SETD3: variants seen among roughly 807,000 people sequenced by gnomAD.
The protein encoded by SETD3 is SET domain containing 3, actin N3(tau)-histidine methyltransferase, also known as actin-histidine N-methyltransferase.
A neutral mutation model predicts 63.0 loss-of-function variants in SETD3; 19 were observed. That is an observed-to-expected ratio of 0.30 (90% CI 0.21 to 0.44). The LOEUF (loss-of-function observed/expected upper bound fraction) is 0.44. Among genes scored for constraint, SETD3 ranks in the 20% least tolerant of loss-of-function variants. SETD3 has a pLI of 1.00. For missense variants in SETD3, 587 were observed against 728.5 expected (o/e 0.81, Z 2.24); for synonymous variants, 286 against 264.1 (o/e 1.08, Z -0.80).
At chr14:99,441,094 G>A (rs546433857) in intron 6 of SETD3, among the ~76,000 whole-genome samples, 1 of 152,202 alleles carries the variant, frequency 6.6e-6, no homozygotes, top group Non-Finnish European at 1.5e-5. Flanking sequence ...TCCCAGTAGG[G>A]GTAAACCTGT....
At chr14:99,485,608 T>C (rs1896465274), upstream of SETD3, among the ~76,000 whole-genome samples, 1 of 152,178 alleles carries the variant, frequency 6.6e-6, no homozygotes, top group Non-Finnish European at 1.5e-5. Flanking sequence ...CATTCTCCTT[T>C]ATGCTGAAAA....
intron 1 of SETD3, among the ~76,000 whole-genome samples, chr14:99,479,983 G>C (rs1353522470): frequency 2.6e-5 from 4 of 152,130 alleles, no homozygotes; most frequent in Non-Finnish European, 5.9e-5. Context: ...TTGCATCGCC[G>C]GGCTGGAGCC....
chr14:99,481,961 T>G (rs1403651667), upstream of SETD3, among the ~76,000 whole-genome samples: 1 of 152,200 alleles, frequency 6.6e-6, no homozygotes, highest in African/African-American at 2.4e-5. Context: ...GCGGCTAAGA[T>G]GAGGAAAAGG....
At chr14:99,427,042 T>TG (rs1339593687) in intron 6 of SETD3, among the ~76,000 whole-genome samples, 2 of 152,076 alleles carry the variant, frequency 1.3e-5, no homozygotes, top group Non-Finnish European at 2.9e-5. Flanking sequence ...CAAGAGAGCG[T>TG]GGGGGGCAGC....
chr14:99,437,708 AGATT>A (rs1365229044), intron 6 of SETD3, among the ~76,000 whole-genome samples: 3 of 152,242 alleles, frequency 2.0e-5, no homozygotes, highest in Non-Finnish European at 2.9e-5. Context: ...ACACACAGAA[AGATT>A]GATTCGTCTC....
At chr14:99,418,073 GA>G (rs1411498787) in intron 6 of SETD3, among the ~76,000 whole-genome samples, 1 of 152,056 alleles carries the variant, frequency 6.6e-6, no homozygotes, top group East Asian at 1.9e-4. Flanking sequence ...ATACAAAAAG[GA>G]AAGTTGCTCA....
At chr14:99,480,522 G>A (rs1256335718) in intron 1 of SETD3, among the ~76,000 whole-genome samples, 1 of 150,674 alleles carries the variant, frequency 6.6e-6, no homozygotes, top group South Asian at 2.1e-4. Flanking sequence ...ACCCCGCCGG[G>A]CCCTCCTCGC....
At chr14:99,474,342 T>A (rs1049595474) in intron 1 of SETD3, among the ~76,000 whole-genome samples, 3 of 151,326 alleles carry the variant, frequency 2.0e-5, no homozygotes, top group Non-Finnish European at 2.9e-5. Flanking sequence ...AATAAATAAA[T>A]TAAATAAATA....
In SETD3 at chr14:99,405,312, G is replaced by A; in HGVS notation, c.984C>T (p.Phe328=). The A allele has an allele frequency of 6.3e-7, 1 of 1,595,428 alleles. No homozygotes were observed. Among genetic ancestry groups the A allele is most frequent in the Non-Finnish European group, 8.5e-7 (1 of 1,170,086 alleles). ...CTCTGTCGTGTGAGTTATTGTCAAA[G>A]AAAAAACCACTGTGGATCACAAACT... ...NAEFVIHSGF[F]FDNNSHDRVK... Residue 328 remains phenylalanine, a synonymous_variant, in exon 10 of 13, where the codon TTC becomes TTT. Coordinates refer to ENST00000331768, the MANE Select transcript of SETD3 (RefSeq NM_032233.3).
intron 1 of SETD3, among the ~76,000 whole-genome samples, chr14:99,478,170 A>G (rs1383786110): frequency 2.0e-5 from 3 of 152,244 alleles, no homozygotes; most frequent in East Asian, 1.9e-4. Context: ...AGCAAATATT[A>G]TAACTGGCCA....
chr14:99,443,008 G>A (rs1325116785), intron 6 of SETD3, among the ~76,000 whole-genome samples: 1 of 152,104 alleles, frequency 6.6e-6, no homozygotes, highest in Non-Finnish European at 1.5e-5. Flanking sequence ...CATTTGCCTT[G>A]GCCAAGCCAC....
Position 99,461,178 on chromosome 14 carries a change from T to C in SETD3, c.345+14A>G. The C allele has an allele frequency of 6.2e-7, 1 of 1,613,608 alleles. No individual in the cohort carries two copies. The stretch of plus-strand genomic sequence containing the variant: ...ACACATAGACCCCTTGAGACCAACA[T>C]TTTATAAACTCACCTTGATATCTCT... On this transcript the variant is annotated intron_variant, in intron 4 of 12. Coordinates refer to ENST00000331768, the MANE Select transcript of SETD3 (RefSeq NM_032233.3).
At chr14:99,430,473 G>C (rs959584830) in intron 6 of SETD3, among the ~76,000 whole-genome samples, 2 of 152,172 alleles carry the variant, frequency 1.3e-5, no homozygotes, top group Non-Finnish European at 2.9e-5. Context: ...AGGGAAAAAA[G>C]TCAAAGGTTT....
chr14:99,481,814 CCA>C (rs1471702381), upstream of SETD3, among the ~76,000 whole-genome samples: 2 of 152,212 alleles, frequency 1.3e-5, no homozygotes. Flanking sequence ...AGTCTCACAG[CCA>C]CAGACTTCTC....
chr14:99,412,710 G>T, intron 8 of SETD3: 1 of 414,502 alleles, frequency 2.4e-6, no homozygotes, highest in Non-Finnish European at 4.3e-6. Flanking sequence ...GTTCACTGTG[G>T]CTTTTGAAAA....
intron 6 of SETD3, among the ~76,000 whole-genome samples, chr14:99,446,429 TA>T (rs1894133427): frequency 6.6e-6 from 1 of 152,162 alleles, no homozygotes; most frequent in East Asian, 1.9e-4. Flanking sequence ...TAATAGAAAG[TA>T]AGAAAAGTCT....
chr14:99,486,257 C>T, the SETD3 span, among the ~76,000 whole-genome samples: 1 of 152,146 alleles, frequency 6.6e-6, no homozygotes, highest in Non-Finnish European at 1.5e-5. Flanking sequence ...CTTCTTGGAC[C>T]AGTCTTTTTC....
intron 1 of SETD3, among the ~76,000 whole-genome samples, chr14:99,467,238 G>A (rs923462233): frequency 5.9e-5 from 9 of 152,180 alleles, no homozygotes; most frequent in Non-Finnish European, 1.3e-4. Flanking sequence ...AGTCATCCTG[G>A]AATAAAAGGA....
intron 6 of SETD3, among the ~76,000 whole-genome samples, chr14:99,425,383 G>A (rs973260076): frequency 6.6e-6 from 1 of 152,214 alleles, no homozygotes; most frequent in Non-Finnish European, 1.5e-5. Flanking sequence ...GCGGGCACTG[G>A]GAGCTGCCGT....
Sources: allele counts gnomAD v4.1 joint callset (sites outside exome capture counted in the v4.1 genomes callset), GRCh38; gene constraint gnomAD v4.1.1; transcripts MANE v1.5; gene names NCBI Gene and HGNC (gene_info 2026-07-23, HGNC 2026-07-21).